CHN2: variants seen among roughly 807,000 people sequenced by gnomAD.
The protein encoded by CHN2 is chimerin 2.
Under a neutral mutation model 56.3 loss-of-function variants are expected in CHN2, and 35 were observed. The ratio of observed to expected loss-of-function variants is 0.62; its 90% CI spans 0.47 to 0.82. The LOEUF is 0.82. Among genes scored for constraint, CHN2 ranks in the 40% least tolerant of loss-of-function variants. The pLI is 0.00. For missense variants in CHN2, 491 were observed against 580.5 expected (o/e 0.85, Z 1.58); for synonymous variants, 210 against 212.8 (o/e 0.99, Z 0.12).
At position 29,268,206 on chromosome 7, in the gene CHN2, G is replaced by C. The variant is rs1395568722; in HGVS notation, c.49+73216G>C. ...ATGTCATCCATTTTTGATAACATAG[G>C]AGGAAGTGTAAATTGTTAGTTTATC... On this transcript the variant is annotated intron_variant, in intron 1 of 12. Coordinates refer to ENST00000222792, the MANE Select transcript of CHN2 (RefSeq NM_004067.4). 9.3e-4 allele frequency among the ~76,000 whole-genome samples: 141 copies of C among 150,926 alleles called. 1 individual carries two copies. Among genetic ancestry groups the C allele is most frequent in the Non-Finnish European group, 7.4e-5 (5 of 67,860 alleles).
intron 2 of CHN2, among the ~76,000 whole-genome samples, chr7:29,365,476 A>G (rs1357014011): frequency 6.6e-6 from 1 of 152,248 alleles, no homozygotes; most frequent in Non-Finnish European, 1.5e-5. Flanking sequence ...GTAAGAGCAT[A>G]GACTAGGGTG....
At chr7:29,159,467 A>G (rs576734743) in intron 2 of CHN2, among the ~76,000 whole-genome samples, 1 of 152,178 alleles carries the variant, frequency 6.6e-6, no homozygotes, top group African/African-American at 2.4e-5. Flanking sequence ...ATGAATGAAA[A>G]CCTATTATTT....
chr7:29,330,220 C>G (rs976821427), intron 1 of CHN2, among the ~76,000 whole-genome samples: 3 of 152,114 alleles, frequency 2.0e-5, no homozygotes, highest in African/African-American at 7.2e-5. Context: ...TTATGTTTCC[C>G]AGTCTCTTTT....
chr7:29,312,663 G>A (rs990164167), intron 1 of CHN2, among the ~76,000 whole-genome samples: 30 of 152,200 alleles, frequency 2.0e-4, no homozygotes, highest in South Asian at 2.1e-4. Flanking sequence ...GCTTACTGCC[G>A]TAGAGAGAGT....
At chr7:29,411,901 G>C (rs918185142) in intron 6 of CHN2, among the ~76,000 whole-genome samples, 3 of 152,114 alleles carry the variant, frequency 2.0e-5, no homozygotes, top group African/African-American at 7.2e-5. Context: ...CTTTGAGCTG[G>C]GTAAGCAGAT....
intron 6 of CHN2, among the ~76,000 whole-genome samples, chr7:29,430,789 CAAAAAAAAA>C (rs72339566): frequency 3.7e-4 from 42 of 113,696 alleles, no homozygotes; most frequent in African/African-American, 8.6e-4. Context: ...AAGATGATAG[CAAAAAAAAA>C]AAAAAAAAAA....
At chr7:29,178,878 G>A (rs1456209355) in intron 2 of CHN2, among the ~76,000 whole-genome samples, 1 of 152,130 alleles carries the variant, frequency 6.6e-6, no homozygotes, top group Admixed American at 6.5e-5. Context: ...ACCAATCAAA[G>A]GTTAACTACT....
intron 2 of CHN2, among the ~76,000 whole-genome samples, chr7:29,181,780 A>G (rs1456608230): frequency 6.6e-6 from 1 of 152,232 alleles, no homozygotes; most frequent in East Asian, 1.9e-4. Context: ...AGGTCCTAAC[A>G]AACTTTTTTT....
At chr7:29,360,389 T>C (rs1798643246) in intron 2 of CHN2, among the ~76,000 whole-genome samples, 1 of 151,642 alleles carries the variant, frequency 6.6e-6, no homozygotes, top group African/African-American at 2.4e-5. Flanking sequence ...GGCATGGTGG[T>C]GCATGCCTGT....
intron 6 of CHN2, among the ~76,000 whole-genome samples, chr7:29,414,257 G>T (rs943161377): frequency 6.6e-6 from 1 of 152,156 alleles, no homozygotes; most frequent in Non-Finnish European, 1.5e-5. Context: ...TCTCAGTGTA[G>T]CTTTGAAACA....
At position 29,509,336 on chromosome 7, in the gene CHN2, CA is replaced by C. The variant is rs763385963; in HGVS notation, c.1166del (p.His389LeufsTer4). 1.9e-6 allele frequency: 3 copies of C among 1,614,090 alleles called. No homozygotes were observed. In the South Asian group the frequency reaches 3.3e-5, roughly 18 times the overall value. On this transcript the variant is annotated frameshift_variant, in exon 12 of 13. Coordinates refer to ENST00000222792, the MANE Select transcript of CHN2 (RefSeq NM_004067.4). LOFTEE classifies it high-confidence loss of function. ...TGCAGATGAGAGGCTGGAAGCCGTCCATGAAGTGCTGATGCTGCTGCCTCCT... is the reference window on the plus strand; with the variant it reads ...TGCAGATGAGAGGCTGGAAGCCGTCCTGAAGTGCTGATGCTGCTGCCTCCT... ...SNADERLEAV[H>X]EVLMLLPPAH...
intron 1 of CHN2, among the ~76,000 whole-genome samples, chr7:29,251,036 A>G (rs1028667781): frequency 6.6e-6 from 1 of 152,210 alleles, no homozygotes; most frequent in Non-Finnish European, 1.5e-5. Flanking sequence ...CAATTTAGTA[A>G]TATTTTGATC....
chr7:29,443,831 T>A (rs1198719177), intron 6 of CHN2, among the ~76,000 whole-genome samples: 1 of 152,112 alleles, frequency 6.6e-6, no homozygotes, highest in Admixed American at 6.5e-5. Context: ...TGACTAATGT[T>A]CCCTCCACTC....
chr7:29,309,766 A>G (rs2089702575), intron 1 of CHN2, among the ~76,000 whole-genome samples: 1 of 152,242 alleles, frequency 6.6e-6, no homozygotes, highest in South Asian at 2.1e-4. Flanking sequence ...TTTTCTGAGT[A>G]GGGCTCCAAG....
chr7:29,252,640 C>T (rs1256365038), intron 1 of CHN2, among the ~76,000 whole-genome samples: 1 of 82,656 alleles, frequency 1.2e-5, no homozygotes, highest in East Asian at 3.3e-4. Context: ...CCAGGCCAGA[C>T]TGCGGACTGC....
chr7:29,322,751 G>A (rs368492829), intron 1 of CHN2, among the ~76,000 whole-genome samples: 74 of 152,258 alleles, frequency 4.9e-4, no homozygotes, highest in African/African-American at 1.6e-3. Flanking sequence ...AGTCAGGGAC[G>A]GCCTAGAGTT....
Position 29,512,860 on chromosome 7 carries a change from G to A in CHN2, c.*125G>A. On this transcript the variant is annotated 3_prime_UTR_variant, in exon 13 of 13. Coordinates refer to ENST00000222792, the MANE Select transcript of CHN2 (RefSeq NM_004067.4). ...GTGCTAGAATTTCCTGGACTGCAGAGGATCGCTGAGTGGGGTACTGTGTCT... is the reference window on the plus strand; with the variant it reads ...GTGCTAGAATTTCCTGGACTGCAGAAGATCGCTGAGTGGGGTACTGTGTCT... 9.6e-7 allele frequency: 1 copy of A among 1,044,380 alleles called. No individual in the cohort carries two copies. The highest frequency in any genetic ancestry group is 1.4e-6 in the Non-Finnish European group (1 of 726,234). 64.7% of individuals were successfully genotyped at this position (1,044,380 alleles called of 1,614,324 possible).
intron 1 of CHN2, among the ~76,000 whole-genome samples, chr7:29,319,541 C>G (rs1447024952): frequency 6.6e-6 from 1 of 152,178 alleles, no homozygotes; most frequent in East Asian, 1.9e-4. Flanking sequence ...CCTGTGGACA[C>G]TGTTCAGATA....
intron 6 of CHN2, among the ~76,000 whole-genome samples, chr7:29,405,713 C>G (rs1802596110): frequency 6.6e-6 from 1 of 152,216 alleles, no homozygotes; most frequent in Admixed American, 6.5e-5. Flanking sequence ...TGAACTGTTT[C>G]ATCAGAGAAC....
Sources: allele counts gnomAD v4.1 joint callset (sites outside exome capture counted in the v4.1 genomes callset), GRCh38; gene constraint gnomAD v4.1.1; transcripts MANE v1.5; gene names NCBI Gene and HGNC (gene_info 2026-07-23, HGNC 2026-07-21).